DPYD: variants seen among roughly 807,000 people sequenced by gnomAD.
The protein encoded by DPYD is dihydropyrimidine dehydrogenase.
In DPYD, 109 loss-of-function variants were observed where a neutral mutation model predicts 116.2. The observed-to-expected ratio is 0.94, with a 90% CI of 0.80 to 1.10. DPYD has a LOEUF of 1.10. DPYD is among the 50% of genes least tolerant of loss of function. The pLI is 0.00. For synonymous variants in DPYD, 440 were observed against 432.0 expected (o/e 1.02, Z -0.23); for missense variants, 1,302 against 1,254.5 (o/e 1.04, Z -0.57).
chr1:97,471,179 A>G (rs1677627128), intron 13 of DPYD, among the ~76,000 whole-genome samples: 1 of 152,228 alleles, frequency 6.6e-6, no homozygotes, highest in South Asian at 2.1e-4. Flanking sequence ...GCCATTATGT[A>G]TAATGAGATC....
At chr1:97,658,423 T>C (rs1659063792) in intron 8 of DPYD, among the ~76,000 whole-genome samples, 1 of 152,170 alleles carries the variant, frequency 6.6e-6, no homozygotes, top group East Asian at 1.9e-4. Context: ...GATTTGATTA[T>C]ATGTACATAG....
At chr1:97,758,061 G>A (rs183001890) in intron 3 of DPYD, among the ~76,000 whole-genome samples, 1 of 152,060 alleles carries the variant, frequency 6.6e-6, no homozygotes, top group Admixed American at 6.6e-5. Context: ...TCAGTCATAG[G>A]GCAATCAAAG....
At chr1:97,392,304 T>C (rs565580989) in intron 14 of DPYD, among the ~76,000 whole-genome samples, 19 of 151,996 alleles carry the variant, frequency 1.3e-4, no homozygotes, top group Non-Finnish European at 2.4e-4. Flanking sequence ...TGCTGATTGA[T>C]CAGGCTGGTT....
intron 2 of DPYD, among the ~76,000 whole-genome samples, chr1:97,866,797 G>T (rs555759633): frequency 1.3e-5 from 2 of 151,970 alleles, no homozygotes; most frequent in South Asian, 4.1e-4. Context: ...TGAAAGTAAG[G>T]AAGTGCAGTA....
chr1:97,897,005 C>A (rs1450646305), intron 1 of DPYD, among the ~76,000 whole-genome samples: 1 of 151,820 alleles, frequency 6.6e-6, no homozygotes, highest in Non-Finnish European at 1.5e-5. Flanking sequence ...ATTATGTAAT[C>A]CTTGGTGCAA....
intron 14 of DPYD, among the ~76,000 whole-genome samples, chr1:97,440,047 G>T (rs560221915): frequency 1.3e-5 from 2 of 151,834 alleles, no homozygotes; most frequent in Admixed American, 1.3e-4. Context: ...AGGCCGAGGC[G>T]GGGGGATCAC....
At chr1:97,449,657 T>C (rs11165875) in intron 14 of DPYD, among the ~76,000 whole-genome samples, 56,935 of 152,048 alleles carry the variant, frequency 0.37, 11,259 homozygotes, top group East Asian at 0.66. Context: ...TGAAAAAATA[T>C]AGACTTCATA....
At chr1:97,795,506 A>G (rs1667523922) in intron 3 of DPYD, among the ~76,000 whole-genome samples, 1 of 152,040 alleles carries the variant, frequency 6.6e-6, no homozygotes, top group South Asian at 2.1e-4. Context: ...GCAAAATAAC[A>G]TAGAATGGAG....
intron 12 of DPYD, among the ~76,000 whole-genome samples, chr1:97,535,112 T>C (rs1649898352): frequency 6.6e-6 from 1 of 152,082 alleles, no homozygotes; most frequent in South Asian, 2.1e-4. Flanking sequence ...ACTGAGCAAT[T>C]AGTTCACAAC....
chr1:97,215,605 T>A (rs540613681), intron 19 of DPYD, among the ~76,000 whole-genome samples: 1 of 152,294 alleles, frequency 6.6e-6, no homozygotes, highest in East Asian at 1.9e-4. Context: ...ATACCTTTCC[T>A]TGTAGTAGAG....
intron 20 of DPYD, among the ~76,000 whole-genome samples, chr1:97,173,487 T>TAC (rs1022461047): frequency 3.3e-5 from 5 of 150,774 alleles, no homozygotes; most frequent in African/African-American, 1.2e-4. Flanking sequence ...TGTATATATA[T>TAC]ACACGCATAT....
chr1:97,545,172 T>C (rs1457237700), intron 12 of DPYD, among the ~76,000 whole-genome samples: 2 of 152,214 alleles, frequency 1.3e-5, no homozygotes, highest in African/African-American at 2.4e-5. Context: ...TTTTGTCTTA[T>C]AATGAAAAAA....
intron 3 of DPYD, among the ~76,000 whole-genome samples, chr1:97,799,271 C>G (rs1329554058): frequency 2.0e-5 from 3 of 151,908 alleles, no homozygotes; most frequent in African/African-American, 7.2e-5. Flanking sequence ...GTTAGCCAGT[C>G]ACATTACATC....
chr1:97,154,834 A>G (rs1655323347), intron 20 of DPYD, among the ~76,000 whole-genome samples: 1 of 152,166 alleles, frequency 6.6e-6, no homozygotes, highest in African/African-American at 2.4e-5. Flanking sequence ...GGACACACCA[A>G]CATCTCAGAA....
intron 8 of DPYD, among the ~76,000 whole-genome samples, chr1:97,609,103 T>C (rs1449685663): frequency 6.6e-6 from 1 of 152,022 alleles, no homozygotes; most frequent in Non-Finnish European, 1.5e-5. Flanking sequence ...AGCAGTCTGC[T>C]TTGATACTTT....
At chr1:97,478,202 G>A (rs1030558638) in intron 13 of DPYD, among the ~76,000 whole-genome samples, 7 of 152,178 alleles carry the variant, frequency 4.6e-5, no homozygotes, top group African/African-American at 1.7e-4. Context: ...AGTAAACCAT[G>A]CTGTAAATAG....
At chr1:97,646,886 T>G (rs1354028618) in intron 8 of DPYD, among the ~76,000 whole-genome samples, 1 of 152,098 alleles carries the variant, frequency 6.6e-6, no homozygotes. Flanking sequence ...CTACTCTGTT[T>G]TTCTGAACAA....
At chr1:97,876,852 G>C (rs75207540) in intron 2 of DPYD, among the ~76,000 whole-genome samples, 4,101 of 152,068 alleles carry the variant, frequency 0.027, 119 homozygotes, top group Admixed American at 0.093. Context: ...AGGAGGAAAT[G>C]GGTGATAAGT....
intron 16 of DPYD, 74 bp downstream of exon 16, chr1:97,373,487 G>T: frequency 7.8e-7 from 1 of 1,279,400 alleles, no homozygotes; most frequent in East Asian, 2.3e-5. Flanking sequence ...CCTTGCCTAA[G>T]GTATAGTAAC....
Sources: allele counts gnomAD v4.1 joint callset (sites outside exome capture counted in the v4.1 genomes callset), GRCh38; gene constraint gnomAD v4.1.1; transcripts MANE v1.5; gene names NCBI Gene and HGNC (gene_info 2026-07-23, HGNC 2026-07-21).